The following DUSP16 variants were observed in gnomAD, a reference collection of about 807,000 sequenced individuals.
The protein encoded by DUSP16 is dual specificity protein phosphatase 16.
Under a neutral mutation model 58.3 loss-of-function variants are expected in DUSP16, and 21 were observed. The ratio of observed to expected loss-of-function variants is 0.36; its 90% confidence interval spans 0.26 to 0.52. The LOEUF is 0.52. Among genes scored for constraint, DUSP16 ranks in the 20% least tolerant of loss-of-function variants. The probability of loss-of-function intolerance (pLI) is 0.94; values close to 1 mark genes in which losing one functional copy is unlikely to be tolerated. For missense variants in DUSP16, 726 were observed against 819.0 expected, an observed-to-expected ratio of 0.89 and a Z score of 1.39; for synonymous variants, 320 against 323.8, an observed-to-expected ratio of 0.99 and a Z score of 0.12.
rs73275131 is a variant in DUSP16 at position 12,541,492 on chromosome 12, T to C, written c.-365-20029A>G. ...AGAAACTCTTATTAAAATTAGTCTA[T>C]CTTATTGGAAGGCCCAGTAAGGTAG... On this transcript the variant is annotated intron_variant, in intron 1 of 6. Coordinates refer to ENST00000298573, the MANE Select transcript of DUSP16 (RefSeq NM_030640.3). 6.6e-3 allele frequency among the ~76,000 whole-genome samples: 998 copies of C among 152,316 alleles called. 19 individuals are homozygous for C. Among genetic ancestry groups the C allele is most frequent in the African/African-American group, 0.023 (942 of 41,556 alleles).
intron 4 of DUSP16, among the ~76,000 whole-genome samples, chr12:12,488,815 A>C (rs981992692): frequency 6.6e-6 from 1 of 152,188 alleles, no homozygotes; most frequent in Non-Finnish European, 1.5e-5. Context: ...GCAGTGACTC[A>C]TGCCTGTAAT....
In DUSP16 at chr12:12,473,468, A is replaced by G. The variant is rs371299844; in HGVS notation, c.*3365T>C. Reference sequence around the variant, plus strand: ...ACAACTGTTCCTCCTGTTACCCTCTATCTCTGGAGGCTGATTTATTCTAAT... The same window carrying G: ...ACAACTGTTCCTCCTGTTACCCTCTGTCTCTGGAGGCTGATTTATTCTAAT... On this transcript the variant is annotated 3_prime_UTR_variant, in exon 7 of 7. Transcript: ENST00000298573. Among the ~76,000 whole-genome samples, 7 of 152,102 alleles carry G rather than the reference A, an allele frequency of 4.6e-5. No individual in the cohort carries two copies. Among genetic ancestry groups the G allele is most frequent in the African/African-American group, 1.2e-4 (5 of 41,486 alleles).
chr12:12,560,875 TAA>T (rs1449207330), intron 1 of DUSP16: 1 of 149,464 alleles, frequency 6.7e-6, no homozygotes, highest in African/African-American at 2.4e-5. Context: ...GTGAGTGGCA[TAA>T]AGAGGCATTT....
chr12:12,531,395 C>T (rs1944382028), intron 1 of DUSP16, among the ~76,000 whole-genome samples: 1 of 152,094 alleles, frequency 6.6e-6, no homozygotes, highest in African/African-American at 2.4e-5. Context: ...CAAAATGGCT[C>T]ACAGAATAAA....
chr12:12,478,896 T>TC (rs1565971140), intron 6 of DUSP16, among the ~76,000 whole-genome samples: 1 of 152,236 alleles, frequency 6.6e-6, no homozygotes. Flanking sequence ...GTGGTCTCTG[T>TC]GTGCTAAGCA....
intron 1 of DUSP16, among the ~76,000 whole-genome samples, chr12:12,540,944 C>CTTTTTTTTTTTT (rs1199026965): frequency 3.0e-5 from 3 of 100,684 alleles, no homozygotes; most frequent in African/African-American, 8.1e-5. Flanking sequence ...CTTTTCTTTT[C>CTTTTTTTTTTTT]TTTTCTTTTT....
At chr12:12,514,448 T>C (rs1944119250) in intron 3 of DUSP16, among the ~76,000 whole-genome samples, 1 of 152,256 alleles carries the variant, frequency 6.6e-6, no homozygotes, top group Non-Finnish European at 1.5e-5. Flanking sequence ...TTCCTCCTGC[T>C]CTTTTCTGAT....
chr12:12,538,248 AGT>A (rs1410854302), intron 1 of DUSP16, among the ~76,000 whole-genome samples: 1 of 152,174 alleles, frequency 6.6e-6, no homozygotes, highest in African/African-American at 2.4e-5. Context: ...ACTGATTTTC[AGT>A]CTCTCTTACC....
chr12:12,506,545 T>C (rs1943999757), intron 3 of DUSP16, among the ~76,000 whole-genome samples: 1 of 152,216 alleles, frequency 6.6e-6, no homozygotes, highest in African/African-American at 2.4e-5. Context: ...GTTTCTCCTA[T>C]TCCTAATTTT....
At chr12:12,558,782 CTT>C (rs1226069744) in intron 1 of DUSP16, among the ~76,000 whole-genome samples, 2 of 133,890 alleles carry the variant, frequency 1.5e-5, no homozygotes, top group African/African-American at 5.0e-5. Flanking sequence ...ATTCCTCTCT[CTT>C]GTTGCTGAGG....
chr12:12,557,815 C>T (rs1424398517), intron 1 of DUSP16, among the ~76,000 whole-genome samples: 1 of 152,214 alleles, frequency 6.6e-6, no homozygotes, highest in East Asian at 1.9e-4. Flanking sequence ...AGGGCAAAAA[C>T]TTTCTCTTAT....
At chr12:12,500,134 T>A (rs560159153) in intron 4 of DUSP16, among the ~76,000 whole-genome samples, 12 of 152,212 alleles carry the variant, frequency 7.9e-5, no homozygotes, top group African/African-American at 2.4e-4. Flanking sequence ...CCTGCATCCC[T>A]TTCTAGTATG....
intron 4 of DUSP16, among the ~76,000 whole-genome samples, chr12:12,489,738 A>G (rs1943736606): frequency 6.6e-6 from 1 of 152,224 alleles, no homozygotes; most frequent in Admixed American, 6.5e-5. Flanking sequence ...TTTTCCATAG[A>G]AAAAATACGA....
intron 1 of DUSP16, among the ~76,000 whole-genome samples, chr12:12,523,684 TA>T (rs1356293132): frequency 6.6e-6 from 1 of 152,240 alleles, no homozygotes; most frequent in South Asian, 2.1e-4. Flanking sequence ...AATCCACTAA[TA>T]AACTTCTGCA....
intron 2 of DUSP16, 122 bp downstream of exon 2, chr12:12,520,749 T>C: frequency 8.3e-7 from 1 of 1,210,438 alleles, no homozygotes; most frequent in East Asian, 2.5e-5. Flanking sequence ...GGCACCAAAA[T>C]TTAAAAAGCA....
chr12:12,544,395 T>A (rs900103260), intron 1 of DUSP16, among the ~76,000 whole-genome samples: 25 of 152,228 alleles, frequency 1.6e-4, no homozygotes, highest in Admixed American at 1.4e-3. Flanking sequence ...AGCTTGGAGT[T>A]ATTATGAATT....
In DUSP16 at chr12:12,475,834, TTGGC is replaced by T. The variant is rs1943421147; in HGVS notation, c.*995_*998del. 6.6e-6 allele frequency: 1 copy of T among 152,238 alleles called. No individual in the cohort carries two copies. The highest frequency in any genetic ancestry group is 1.5e-5 in the Non-Finnish European group (1 of 68,042). 9.4% of individuals were successfully genotyped at this position (152,238 alleles called of 1,614,324 possible). On this transcript the variant is annotated 3_prime_UTR_variant, in exon 7 of 7. Coordinates refer to ENST00000298573, the MANE Select transcript of DUSP16 (RefSeq NM_030640.3). ...AGCAGAAAGGGCAAAAACATCTGCTTTGGCTGAGAATTTGAAGGTGCTGCTGCTC... is the reference window on the plus strand; with the variant it reads ...AGCAGAAAGGGCAAAAACATCTGCTTTGAGAATTTGAAGGTGCTGCTGCTC...
chr12:12,554,251 C>T (rs1307446826), intron 1 of DUSP16, among the ~76,000 whole-genome samples: 2 of 147,398 alleles, frequency 1.4e-5, no homozygotes, highest in Non-Finnish European at 3.0e-5. Context: ...AGCTAATTAG[C>T]TCAAATGTCC....
chr12:12,512,480 C>T (rs1360578395), intron 3 of DUSP16, among the ~76,000 whole-genome samples: 2 of 152,150 alleles, frequency 1.3e-5, no homozygotes, highest in African/African-American at 4.8e-5. Flanking sequence ...AGCATCTCCC[C>T]ATTACCCCAG....
Sources: gnomAD v4.1 joint callset for allele counts (sites outside exome capture counted in the v4.1 genomes callset) on GRCh38, gnomAD v4.1.1 for gene constraint, MANE v1.5 for transcripts, NCBI Gene and HGNC (gene_info 2026-07-23, HGNC 2026-07-21) for gene names.